Variants in CNTNAP2 observed in about 807,000 individuals in gnomAD.
CNTNAP2 encodes the protein contactin-associated protein-like 2.
CNTNAP2 carries 98 observed loss-of-function variants against 155.2 expected under a neutral mutation model. That is an observed-to-expected ratio of 0.63 (90% CI 0.54 to 0.75). The LOEUF is 0.75. Ranked by LOEUF, CNTNAP2 falls within the 30% of genes least tolerant of loss-of-function variation. The pLI is 0.00. For missense variants in CNTNAP2, 1,727 were observed against 1,688.1 expected (o/e 1.02, Z -0.40); for synonymous variants, 651 against 631.2 (o/e 1.03, Z -0.47).
intron 13 of CNTNAP2, among the ~76,000 whole-genome samples, chr7:147,685,653 G>T (rs1796007622): frequency 6.6e-6 from 1 of 151,370 alleles, no homozygotes; most frequent in South Asian, 2.1e-4. Context: ...TCTACAGGGG[G>T]AATAAAAAAA....
chr7:146,681,222 C>T (rs10260447), intron 1 of CNTNAP2, among the ~76,000 whole-genome samples: 1,558 of 151,022 alleles, frequency 0.01, 26 homozygotes, highest in African/African-American at 0.036. Context: ...TAAGTCATGG[C>T]TTGTCCAGAA....
At chr7:146,180,635 T>C (rs1330952162) in intron 1 of CNTNAP2, among the ~76,000 whole-genome samples, 1 of 152,162 alleles carries the variant, frequency 6.6e-6, no homozygotes, top group Non-Finnish European at 1.5e-5. Context: ...TCAACAGCCC[T>C]CTCTATACTA....
At chr7:147,707,394 T>G (rs899521298) in intron 13 of CNTNAP2, among the ~76,000 whole-genome samples, 17 of 152,198 alleles carry the variant, frequency 1.1e-4, no homozygotes, top group African/African-American at 3.9e-4. Context: ...ATAGTATCAG[T>G]GGTGTCAGTG....
intron 13 of CNTNAP2, among the ~76,000 whole-genome samples, chr7:147,852,546 G>A (rs943816126): frequency 6.6e-6 from 1 of 152,104 alleles, no homozygotes; most frequent in Admixed American, 6.5e-5. Context: ...CTCTAATGTT[G>A]AGATTGAGTA....
intron 9 of CNTNAP2, among the ~76,000 whole-genome samples, chr7:147,373,919 T>C (rs900123244): frequency 6.6e-6 from 1 of 152,036 alleles, no homozygotes; most frequent in Non-Finnish European, 1.5e-5. Flanking sequence ...ATTTTACTTA[T>C]ACTTTTGAAA....
chr7:147,760,928 C>T (rs890159252), intron 13 of CNTNAP2, among the ~76,000 whole-genome samples: 3 of 152,112 alleles, frequency 2.0e-5, no homozygotes, highest in African/African-American at 7.2e-5. Context: ...GCCAAAGGAT[C>T]TTTGAACTGG....
chr7:146,998,125 A>G (rs1266016471), intron 3 of CNTNAP2, among the ~76,000 whole-genome samples: 1 of 151,456 alleles, frequency 6.6e-6, no homozygotes, highest in East Asian at 1.9e-4. Context: ...GAGATACAAG[A>G]TTAGGTTGTT....
rs763011779 is a variant in CNTNAP2 at position 146,745,780 on chromosome 7, AAG to A, written c.98-28488_98-28487del. Among the ~76,000 whole-genome samples, 180 of 116,422 alleles carry A rather than the reference AAG, an allele frequency of 1.5e-3. 3 individuals carry two copies. In the South Asian group the frequency reaches 0.041, roughly 26 times the overall value. 76.4% of individuals were successfully genotyped at this position (116,422 alleles called of 152,430 possible). ...ACTCCATCTGAAAAAAAAAAAAAAA[AAG>A]AGGTCTGTTAAGGGTAACATTTGCC... On this transcript the variant is annotated intron_variant, in intron 1 of 23. Transcript: ENST00000361727.
intron 3 of CNTNAP2, among the ~76,000 whole-genome samples, chr7:146,968,365 G>C (rs1391784291): frequency 4.6e-5 from 7 of 151,516 alleles, no homozygotes; most frequent in African/African-American, 1.5e-4. Flanking sequence ...CTATTGATTG[G>C]AATAGTTTCA....
intron 1 of CNTNAP2, among the ~76,000 whole-genome samples, chr7:146,762,388 C>G (rs2129184184): frequency 6.6e-6 from 1 of 152,156 alleles, no homozygotes; most frequent in South Asian, 2.1e-4. Context: ...ATGACAAAGT[C>G]AAGAGTTTGA....
chr7:146,758,276 C>G (rs553516958), intron 1 of CNTNAP2, among the ~76,000 whole-genome samples: 97 of 152,126 alleles, frequency 6.4e-4, no homozygotes, highest in African/African-American at 2.2e-3. Context: ...TTTTCCTGCC[C>G]ACAAAAGATG....
At chr7:147,403,571 C>G (rs1192878567) in intron 10 of CNTNAP2, among the ~76,000 whole-genome samples, 1 of 152,172 alleles carries the variant, frequency 6.6e-6, no homozygotes. Context: ...GGTGATTGAT[C>G]AGACTCTACA....
intron 12 of CNTNAP2, among the ~76,000 whole-genome samples, chr7:147,576,784 T>G (rs1391569781): frequency 6.9e-6 from 1 of 145,182 alleles, no homozygotes; most frequent in Non-Finnish European, 1.5e-5. Flanking sequence ...TTTTGAGCTA[T>G]GATAAATGCA....
At chr7:147,180,966 A>G (rs1802444660) in intron 8 of CNTNAP2, among the ~76,000 whole-genome samples, 1 of 152,232 alleles carries the variant, frequency 6.6e-6, no homozygotes. Flanking sequence ...TTTCTATAAC[A>G]AACACCTAGA....
At chr7:146,344,209 T>G (rs1389524760) in intron 1 of CNTNAP2, among the ~76,000 whole-genome samples, 1 of 152,142 alleles carries the variant, frequency 6.6e-6, no homozygotes, top group Non-Finnish European at 1.5e-5. Context: ...CAAATCAGCA[T>G]AGCCAGAGAC....
rs140620296 is a variant in CNTNAP2, at chr7:146,192,374, G to A, written c.97+75401G>A. Among the ~76,000 whole-genome samples the A allele has an allele frequency of 7.2e-5, 11 of 152,214 alleles. No homozygotes were observed. The East Asian group carries it at 1.9e-3, about 27-fold the overall frequency. On this transcript the variant is annotated intron_variant, in intron 1 of 23. Transcript: ENST00000361727. Reference sequence around the variant, plus strand: ...CCCTAAGATATTAGCCTGTTCTCATGCTGCTAATAAAGATGTACCCAAGAT... The same window carrying A: ...CCCTAAGATATTAGCCTGTTCTCATACTGCTAATAAAGATGTACCCAAGAT...
intron 1 of CNTNAP2, among the ~76,000 whole-genome samples, chr7:146,584,328 T>A (rs1798655313): frequency 2.0e-5 from 3 of 152,172 alleles, no homozygotes; most frequent in Non-Finnish European, 4.4e-5. Context: ...ACCGAAAGAA[T>A]TCAGTCAATG....
intron 3 of CNTNAP2, 70 bp from the exon 4 acceptor site, chr7:147,043,837 T>C: frequency 6.4e-7 from 1 of 1,569,444 alleles, no homozygotes; most frequent in Non-Finnish European, 8.8e-7. Flanking sequence ...GTGTTTATTC[T>C]AGTAGACAGA....
intron 9 of CNTNAP2, among the ~76,000 whole-genome samples, chr7:147,313,534 G>T (rs1330952575): frequency 2.7e-5 from 4 of 148,278 alleles, no homozygotes; most frequent in Non-Finnish European, 6.0e-5. Flanking sequence ...TTTCCCCATT[G>T]CTTGTTTTTC....
Sources: gnomAD v4.1 joint callset for allele counts (sites outside exome capture counted in the v4.1 genomes callset) on GRCh38, gnomAD v4.1.1 for gene constraint, MANE v1.5 for transcripts, NCBI Gene and HGNC (gene_info 2026-07-23, HGNC 2026-07-21) for gene names.